MAP3K15: variants seen among roughly 807,000 people sequenced by gnomAD.
MAP3K15 encodes mitogen-activated protein kinase kinase kinase 15, also known as MAPK/ERK kinase kinase 15.
In MAP3K15, 124 loss-of-function variants were observed where a neutral mutation model predicts 99.5. The ratio of observed to expected loss-of-function variants is 1.25; its 90% confidence interval spans 1.08 to 1.45. The LOEUF is 1.45. Among genes scored for constraint, MAP3K15 ranks in the 40% most tolerant of loss-of-function variants. The pLI is 0.00. For missense variants in MAP3K15, 1,242 were observed against 1,079.7 expected (o/e 1.15, Z -2.11); for synonymous variants, 494 against 439.6 (o/e 1.12, Z -1.55).
At chrX:19,448,864 T>C (rs938389924) in intron 6 of MAP3K15, among the ~76,000 whole-genome samples, 5 of 109,694 alleles carry the variant, frequency 4.6e-5, no homozygotes, top group South Asian at 4.0e-4. Flanking sequence ...CACCAGACAC[T>C]ATGCTAATAT....
At position 19,376,273 on chromosome X, in the gene MAP3K15, C is replaced by A. The variant is rs185747124; in HGVS notation, c.2590-1613G>T. Among the ~76,000 whole-genome samples, 759 of 110,728 alleles carry A rather than the reference C, an allele frequency of 6.9e-3. 3 individuals carry two copies. The highest frequency in any genetic ancestry group is 0.012 in the Non-Finnish European group (620 of 52,739). On this transcript the variant is annotated intron_variant, in intron 19 of 28. Coordinates refer to ENST00000338883, the MANE Select transcript of MAP3K15 (RefSeq NM_001001671.4). ...CCAAGCGTTGGTAGGGCCAGGGACT[C>A]CTGAAACATGCAGGGAATCCCCGCC...
intron 3 of MAP3K15, among the ~76,000 whole-genome samples, chrX:19,468,358 T>C (rs1366596137): frequency 8.9e-6 from 1 of 112,271 alleles, no homozygotes; most frequent in African/African-American, 3.2e-5. Context: ...TTTAATTGTA[T>C]CAAACTGTGG....
intron 1 of MAP3K15, among the ~76,000 whole-genome samples, chrX:19,503,658 C>T (rs760538783): frequency 1.3e-4 from 14 of 110,081 alleles, no homozygotes; most frequent in Admixed American, 2.9e-4. Flanking sequence ...AACTCCTGGC[C>T]TCAGGTGATC....
intron 3 of MAP3K15, among the ~76,000 whole-genome samples, chrX:19,466,894 C>T (rs1440458809): frequency 8.9e-6 from 1 of 112,287 alleles, no homozygotes; most frequent in Non-Finnish European, 1.9e-5. Flanking sequence ...TTAAAGCAAG[C>T]TTGTCCAACC....
At chrX:19,385,447 A>T (rs2063488103) in intron 18 of MAP3K15, among the ~76,000 whole-genome samples, 2 of 111,468 alleles carry the variant, frequency 1.8e-5, no homozygotes, top group African/African-American at 6.5e-5. Context: ...TATTCATCAG[A>T]AGCAAGTTGC....
chrX:19,437,810 GACTA>G (rs941630472), intron 6 of MAP3K15, among the ~76,000 whole-genome samples: 3 of 111,633 alleles, frequency 2.7e-5, no homozygotes, highest in Non-Finnish European at 3.8e-5. Context: ...TTAAATGAAT[GACTA>G]ACTGAGCAGT....
At chrX:19,489,090 G>A in intron 1 of MAP3K15, 123 bp from the exon 2 acceptor site, 1 of 640,116 alleles carries the variant, frequency 1.6e-6, no homozygotes, top group Non-Finnish European at 2.3e-6. Context: ...GTTAGGTAAA[G>A]TAAGGAATGA....
At chrX:19,425,507 T>C (rs953877569) in intron 9 of MAP3K15, 24 bp downstream of exon 9, 2 of 1,171,561 alleles carry the variant, frequency 1.7e-6, no homozygotes, top group African/African-American at 3.5e-5. Context: ...AGATGGGTGA[T>C]GACAACACAC....
intron 13 of MAP3K15, among the ~76,000 whole-genome samples, chrX:19,406,880 T>C (rs1457956488): frequency 9.0e-6 from 1 of 111,613 alleles, no homozygotes; most frequent in Non-Finnish European, 1.9e-5. Flanking sequence ...TTTGTATTTT[T>C]AGTAGAGGCA....
At chrX:19,460,619 A>T (rs1320703055) in intron 4 of MAP3K15, among the ~76,000 whole-genome samples, 7 of 111,514 alleles carry the variant, frequency 6.3e-5, no homozygotes, top group African/African-American at 2.3e-4. Flanking sequence ...GCTTTCCCCA[A>T]TTGAGGTGAG....
At chrX:19,382,415 T>C (rs2063465178) in intron 18 of MAP3K15, among the ~76,000 whole-genome samples, 1 of 111,632 alleles carries the variant, frequency 9.0e-6, no homozygotes, top group African/African-American at 3.3e-5. Flanking sequence ...GATGGCAACG[T>C]TCTATCCTGT....
intron 9 of MAP3K15, among the ~76,000 whole-genome samples, chrX:19,418,021 C>T (rs1330836438): frequency 2.7e-5 from 3 of 111,670 alleles, no homozygotes; most frequent in Non-Finnish European, 5.6e-5. Context: ...GAAAGGACAT[C>T]CACACCAAAA....
chrX:19,431,755 G>A, intron 6 of MAP3K15, 147 bp from the exon 7 acceptor site: 1 of 408,212 alleles, frequency 2.4e-6, no homozygotes. Context: ...ACACCAGCCT[G>A]GCCAACATGG....
At chrX:19,509,238 G>A (rs369870554) in intron 1 of MAP3K15, among the ~76,000 whole-genome samples, 243 of 111,698 alleles carry the variant, frequency 2.2e-3, no homozygotes, top group African/African-American at 7.1e-3. Flanking sequence ...TACTTGGGCC[G>A]AAGCAGACCT....
At chrX:19,503,775 A>G (rs1602356740) in intron 1 of MAP3K15, among the ~76,000 whole-genome samples, 1 of 110,117 alleles carries the variant, frequency 9.1e-6, no homozygotes, top group African/African-American at 3.3e-5. Context: ...TTCTTGCAGG[A>G]GCAAATGCAC....
chrX:19,465,187 T>C (rs950316813), intron 3 of MAP3K15, among the ~76,000 whole-genome samples: 1 of 110,920 alleles, frequency 9.0e-6, no homozygotes, highest in Non-Finnish European at 1.9e-5. Context: ...AGCCACCATA[T>C]CTGGCCTAAA....
intron 12 of MAP3K15, among the ~76,000 whole-genome samples, chrX:19,407,715 A>G (rs562885993): frequency 8.9e-6 from 1 of 112,561 alleles, no homozygotes; most frequent in South Asian, 3.6e-4. Context: ...AAATGGAAAT[A>G]AACATGGCAC....
chrX:19,475,329 C>T (rs769732932), intron 3 of MAP3K15, among the ~76,000 whole-genome samples: 3 of 111,078 alleles, frequency 2.7e-5, no homozygotes, highest in East Asian at 2.8e-4. Flanking sequence ...GGCGGTAATG[C>T]GAGCAATGGG....
At chrX:19,475,258 T>C (rs2064234391) in intron 3 of MAP3K15, among the ~76,000 whole-genome samples, 2 of 110,398 alleles carry the variant, frequency 1.8e-5, no homozygotes, top group Admixed American at 1.9e-4. Flanking sequence ...TAGTTCACAA[T>C]AGGGTTTATG....
Sources: allele counts gnomAD v4.1 joint callset (sites outside exome capture counted in the v4.1 genomes callset), GRCh38; gene constraint gnomAD v4.1.1; transcripts MANE v1.5; gene names NCBI Gene and HGNC (gene_info 2026-07-23, HGNC 2026-07-21).